The following SGCD variants were observed in gnomAD, a reference collection of about 807,000 sequenced individuals.
SGCD encodes delta-sarcoglycan.
SGCD carries 18 observed loss-of-function variants against 36.6 expected under a neutral mutation model. The ratio of observed to expected loss-of-function variants is 0.49; its 90% CI spans 0.34 to 0.73. SGCD has a LOEUF of 0.73. Ranked by LOEUF, SGCD falls within the 30% of genes least tolerant of loss-of-function variation. The pLI is 0.01. For missense variants in SGCD, 387 were observed against 346.7 expected, an observed-to-expected ratio of 1.12 and a Z score of -0.92; for synonymous variants, 133 against 130.6, an observed-to-expected ratio of 1.02 and a Z score of -0.12.
In SGCD at chr5:156,411,497, T is replaced by G. The variant is rs546400955; in HGVS notation, c.192+66820T>G. Among the ~76,000 whole-genome samples the G allele has an allele frequency of 5.3e-5, 8 of 152,322 alleles. No individual in the cohort carries two copies. In the East Asian group the frequency reaches 1.5e-3, roughly 29 times the overall value. On this transcript the variant is annotated intron_variant, in intron 3 of 8. Coordinates refer to ENST00000337851, the MANE Select transcript of SGCD (RefSeq NM_000337.6). ...ACAGCTCTGTTCAGTGGAAAGAAAG[T>G]GCTTTGGAGCCAGACGTGACTGGGC...
At chr5:156,218,955 A>C (rs1049977850) in intron 3 of SGCD, among the ~76,000 whole-genome samples, 4 of 152,068 alleles carry the variant, frequency 2.6e-5, no homozygotes, top group Non-Finnish European at 5.9e-5. Context: ...CTATCCAGTC[A>C]TTTTTTTACT....
chr5:156,364,152 A>C (rs191354369), intron 3 of SGCD, among the ~76,000 whole-genome samples: 5 of 151,540 alleles, frequency 3.3e-5, no homozygotes, highest in Non-Finnish European at 4.4e-5. Flanking sequence ...AACTGAATCT[A>C]CTGAGTTATG....
chr5:156,151,906 T>G (rs1015885601), intron 3 of SGCD, among the ~76,000 whole-genome samples: 2 of 151,370 alleles, frequency 1.3e-5, no homozygotes, highest in African/African-American at 2.5e-5. Context: ...CCAGATTGGT[T>G]CTGTTTGGAT....
At chr5:156,720,077 G>A (rs1240195700) in intron 7 of SGCD, among the ~76,000 whole-genome samples, 1 of 152,144 alleles carries the variant, frequency 6.6e-6, no homozygotes, top group Non-Finnish European at 1.5e-5. Flanking sequence ...CTGCAGGAGG[G>A]AATGAGGACT....
At chr5:156,698,865 A>ACG (rs1754421879) in intron 7 of SGCD, among the ~76,000 whole-genome samples, 1 of 151,946 alleles carries the variant, frequency 6.6e-6, no homozygotes, top group African/African-American at 2.4e-5. Flanking sequence ...ACACACACAC[A>ACG]CACACACACA....
chr5:156,004,347 A>G (rs886674574), intron 1 of SGCD, among the ~76,000 whole-genome samples: 2 of 152,240 alleles, frequency 1.3e-5, no homozygotes, highest in African/African-American at 2.4e-5. Flanking sequence ...TGTAGAAATA[A>G]TAATACTGCT....
chr5:156,197,519 T>A (rs1764050713), intron 3 of SGCD, among the ~76,000 whole-genome samples: 1 of 148,500 alleles, frequency 6.7e-6, no homozygotes, highest in African/African-American at 2.5e-5. Flanking sequence ...TAGCTCACAG[T>A]ATTAGGGTTG....
intron 6 of SGCD, among the ~76,000 whole-genome samples, chr5:156,596,286 TAGA>T (rs1301982445): frequency 6.6e-6 from 1 of 152,198 alleles, no homozygotes; most frequent in Non-Finnish European, 1.5e-5. Flanking sequence ...TCTCAGGCTC[TAGA>T]ATTAGCCTGT....
At chr5:156,350,035 G>A (rs902171881) in intron 3 of SGCD, among the ~76,000 whole-genome samples, 5 of 151,626 alleles carry the variant, frequency 3.3e-5, no homozygotes, top group Admixed American at 1.3e-4. Flanking sequence ...TAAGCTAAGG[G>A]TATGCACAGG....
intron 1 of SGCD, among the ~76,000 whole-genome samples, chr5:156,042,738 T>G (rs887691073): frequency 2.6e-5 from 4 of 152,166 alleles, no homozygotes; most frequent in Non-Finnish European, 1.5e-5. Context: ...TTGTCAGATA[T>G]GCAGAAACCT....
At chr5:156,076,883 A>G (rs1036872630) in intron 1 of SGCD, among the ~76,000 whole-genome samples, 1 of 152,198 alleles carries the variant, frequency 6.6e-6, no homozygotes, top group African/African-American at 2.4e-5. Context: ...CAATGACTTC[A>G]CAGAGAAACC....
intron 3 of SGCD, among the ~76,000 whole-genome samples, chr5:156,246,825 C>T (rs1276695733): frequency 1.3e-5 from 2 of 152,086 alleles, no homozygotes; most frequent in African/African-American, 4.8e-5. Flanking sequence ...ACCCTAGAAA[C>T]ACTGACAACA....
rs897255471 is a variant in SGCD at position 156,185,989 on chromosome 5, C to A, written c.-44+61970C>A. The stretch of plus-strand genomic sequence containing the variant: ...TTGATCTGCACCAAAGATCTGTGAT[C>A]GGAATAACGAAATATGGTAGAAGCA... On this transcript the variant is annotated intron_variant, in intron 3 of 9. Coordinates refer to the SGCD transcript ENST00000517913. 6.8e-5 allele frequency among the ~76,000 whole-genome samples: 10 copies of A among 148,118 alleles called. No individual in the cohort carries two copies. In the South Asian group the frequency reaches 2.0e-3, roughly 29 times the overall value.
chr5:156,612,577 A>G (rs1404176200), intron 6 of SGCD, among the ~76,000 whole-genome samples: 1 of 152,242 alleles, frequency 6.6e-6, no homozygotes, highest in African/African-American at 2.4e-5. Flanking sequence ...CTTCCCCACT[A>G]TGCAGGTCTG....
intron 3 of SGCD, among the ~76,000 whole-genome samples, chr5:156,505,145 AG>A (rs1278884585): frequency 2.0e-5 from 3 of 152,200 alleles, no homozygotes; most frequent in African/African-American, 7.2e-5. Context: ...GGAGGGTTCG[AG>A]GTGCCTTTGG....
chr5:156,451,470 CA>C (rs1367961101), intron 3 of SGCD, among the ~76,000 whole-genome samples: 1 of 152,046 alleles, frequency 6.6e-6, no homozygotes, highest in Non-Finnish European at 1.5e-5. Flanking sequence ...CTCCAGATAC[CA>C]AAATCTTGAC....
intron 3 of SGCD, among the ~76,000 whole-genome samples, chr5:156,348,811 A>G (rs1347584084): frequency 6.6e-6 from 1 of 152,228 alleles, no homozygotes; most frequent in Non-Finnish European, 1.5e-5. Flanking sequence ...CTAAGCAAAA[A>G]GATCAAATCT....
intron 1 of SGCD, among the ~76,000 whole-genome samples, chr5:155,936,615 G>A (rs1307926637): frequency 6.6e-6 from 1 of 152,200 alleles, no homozygotes; most frequent in Admixed American, 6.5e-5. Flanking sequence ...ATTGGTCCAT[G>A]GGCGGCCATG....
chr5:156,218,244 T>G (rs1203013336), intron 3 of SGCD, among the ~76,000 whole-genome samples: 1 of 152,140 alleles, frequency 6.6e-6, no homozygotes, highest in African/African-American at 2.4e-5. Context: ...AGAGCGAGAC[T>G]CCATCTCAAA....
Sources: allele counts gnomAD v4.1 joint callset (sites outside exome capture counted in the v4.1 genomes callset), GRCh38; gene constraint gnomAD v4.1.1; transcripts MANE v1.5; gene names NCBI Gene and HGNC (gene_info 2026-07-23, HGNC 2026-07-21).